Variants in PLCB4 observed in about 807,000 individuals in gnomAD.
PLCB4 encodes the protein 1-phosphatidylinositol 4,5-bisphosphate phosphodiesterase beta-4.
Under a neutral mutation model 178.8 loss-of-function variants are expected in PLCB4, and 77 were observed. That is an observed-to-expected ratio of 0.43 (90% CI 0.36 to 0.52). PLCB4 has a LOEUF of 0.52. Ranked by LOEUF, PLCB4 falls within the 20% of genes least tolerant of loss-of-function variation. The pLI, the probability that PLCB4 is intolerant of heterozygous loss-of-function variation, is 0.00. For synonymous variants in PLCB4, 496 were observed against 490.8 expected, an observed-to-expected ratio of 1.01 and a Z score of -0.14; for missense variants, 1,024 against 1,453.4, an observed-to-expected ratio of 0.70 and a Z score of 4.80.
At chr20:9,095,392 A>G (rs1176703921) in intron 1 of PLCB4, among the ~76,000 whole-genome samples, 1 of 152,098 alleles carries the variant, frequency 6.6e-6, no homozygotes, top group Non-Finnish European at 1.5e-5. Context: ...CATTATCCCC[A>G]TTGGAAGTTA....
intron 4 of PLCB4, among the ~76,000 whole-genome samples, chr20:9,329,826 G>T (rs1157618868): frequency 6.6e-6 from 1 of 152,098 alleles, no homozygotes; most frequent in African/African-American, 2.4e-5. Context: ...TATCTCCTGG[G>T]ATCTTAAAGC....
intron 3 of PLCB4, among the ~76,000 whole-genome samples, chr20:9,290,914 T>C (rs2094574621): frequency 6.6e-6 from 1 of 152,084 alleles, no homozygotes; most frequent in African/African-American, 2.4e-5. Flanking sequence ...AATTACAGTT[T>C]CAGGATCTGT....
Position 9,423,673 on chromosome 20 carries a change from G to T in PLCB4, c.2320-75G>T, listed in dbSNP as rs1173829455. On this transcript the variant is annotated intron_variant, in intron 27 of 39. Transcript: ENST00000378473. ...GAACATTTAAGAACAGCATGGATTT[G>T]GTCCACACTCCTTAGAGTCATGGTT... 5.5e-6 allele frequency: 6 copies of T among 1,092,282 alleles called. No individual in the cohort carries two copies. The African/African-American group carries it at 6.2e-5, about 11-fold the overall frequency. The allele number at this position is 1,092,282 out of a possible 1,614,324, so 67.7% of individuals were successfully genotyped here.
At chr20:9,182,518 T>C (rs1198017589) in intron 2 of PLCB4, among the ~76,000 whole-genome samples, 3 of 152,158 alleles carry the variant, frequency 2.0e-5, no homozygotes, top group East Asian at 1.9e-4. Flanking sequence ...AGAAGATGCA[T>C]CTGTAGTATT....
At chr20:9,214,561 A>ACACACG (rs2093708149) in intron 2 of PLCB4, among the ~76,000 whole-genome samples, 1 of 25,930 alleles carries the variant, frequency 3.9e-5, no homozygotes, top group African/African-American at 7.0e-4. Context: ...AACACCCCAG[A>ACACACG]CACACACACA....
intron 12 of PLCB4, among the ~76,000 whole-genome samples, chr20:9,379,449 A>T (rs1451235902): frequency 6.6e-6 from 1 of 152,160 alleles, no homozygotes; most frequent in East Asian, 1.9e-4. Flanking sequence ...ATATGCTTGT[A>T]CTGATTAATT....
chr20:9,241,416 ACACT>A (rs1427687889), intron 3 of PLCB4, among the ~76,000 whole-genome samples: 32 of 140,288 alleles, frequency 2.3e-4, no homozygotes, highest in Admixed American at 2.1e-4. Context: ...ACACACACAC[ACACT>A]CACTCACTCC....
chr20:9,119,304 C>T (rs1019957453), intron 2 of PLCB4, among the ~76,000 whole-genome samples: 4 of 152,092 alleles, frequency 2.6e-5, no homozygotes, highest in South Asian at 2.1e-4. Context: ...GACTTTTCTT[C>T]GTTTTCAGCT....
chr20:9,238,927 C>A (rs1475684091), intron 3 of PLCB4, among the ~76,000 whole-genome samples: 2 of 152,102 alleles, frequency 1.3e-5, no homozygotes, highest in African/African-American at 4.8e-5. Context: ...ATCACTATAG[C>A]CGTTTCTGTT....
At chr20:9,331,882 A>T (rs1046980873) in intron 4 of PLCB4, among the ~76,000 whole-genome samples, 2 of 152,116 alleles carry the variant, frequency 1.3e-5, no homozygotes, top group African/African-American at 4.8e-5. Context: ...AGCAATGGTG[A>T]TCTCCAGCAA....
chr20:9,097,793 C>T (rs2090975611), intron 2 of PLCB4, among the ~76,000 whole-genome samples: 1 of 152,088 alleles, frequency 6.6e-6, no homozygotes, highest in African/African-American at 2.4e-5. Context: ...ATAAAGCACC[C>T]ACCTCTAGAT....
At chr20:9,289,774 G>A (rs1427130879) in intron 3 of PLCB4, among the ~76,000 whole-genome samples, 3 of 152,064 alleles carry the variant, frequency 2.0e-5, no homozygotes, top group African/African-American at 4.8e-5. Flanking sequence ...TCTATTAATA[G>A]TTCTACCATA....
chr20:9,084,879 C>T (rs4816117), intron 1 of PLCB4, among the ~76,000 whole-genome samples: 73,894 of 151,532 alleles, frequency 0.49, 18,493 homozygotes, highest in Middle Eastern at 0.57. Flanking sequence ...AGTGAAACCC[C>T]GTCTCTACTG....
At chr20:9,180,245 T>G (rs1309722476) in intron 2 of PLCB4, among the ~76,000 whole-genome samples, 1 of 152,182 alleles carries the variant, frequency 6.6e-6, no homozygotes, top group Non-Finnish European at 1.5e-5. Flanking sequence ...TAGTAATTAT[T>G]ATGGATAATA....
chr20:9,412,400 C>G (rs1370390890), intron 25 of PLCB4, among the ~76,000 whole-genome samples: 1 of 152,082 alleles, frequency 6.6e-6, no homozygotes, highest in Non-Finnish European at 1.5e-5. Flanking sequence ...GCTGTATTGC[C>G]TAGAGCAGGT....
intron 2 of PLCB4, among the ~76,000 whole-genome samples, chr20:9,170,356 G>C (rs1268153175): frequency 6.6e-6 from 1 of 152,200 alleles, no homozygotes; most frequent in African/African-American, 2.4e-5. Flanking sequence ...AACAAGAGTA[G>C]CTTAGATTAT....
intron 8 of PLCB4, among the ~76,000 whole-genome samples, chr20:9,364,811 T>G (rs988237111): frequency 1.1e-4 from 16 of 152,170 alleles, no homozygotes; most frequent in Admixed American, 1.0e-3. Flanking sequence ...AGCTCCAAAG[T>G]ACAGATAAAT....
chr20:9,174,504 C>T (rs2093121706), intron 2 of PLCB4, among the ~76,000 whole-genome samples: 1 of 150,972 alleles, frequency 6.6e-6, no homozygotes, highest in Non-Finnish European at 1.5e-5. Flanking sequence ...ATATTTCAAG[C>T]CTTTTTTACA....
rs2093795179 is a variant in PLCB4 at position 9,221,237 on chromosome 20, G to A, written c.-16+3785G>A. 1.3e-5 allele frequency among the ~76,000 whole-genome samples: 2 copies of A among 152,152 alleles called. 1 individual carries two copies. The highest frequency in any genetic ancestry group is 4.1e-4 in the South Asian group (2 of 4,832). ...CTCTGGAACATAATTGCTCCCTAGA[G>A]TCTGTTCCACATCAAGGCAATGGAG... On this transcript the variant is annotated intron_variant, in intron 3 of 39. Coordinates refer to ENST00000378473, the MANE Select transcript of PLCB4 (RefSeq NM_001377142.1).
Sources: gnomAD v4.1 joint callset for allele counts (sites outside exome capture counted in the v4.1 genomes callset) on GRCh38, gnomAD v4.1.1 for gene constraint, MANE v1.5 for transcripts, NCBI Gene and HGNC (gene_info 2026-07-23, HGNC 2026-07-21) for gene names.